Variants in MGMT observed in about 807,000 individuals in gnomAD.
The protein encoded by MGMT is O-6-methylguanine-DNA methyltransferase, also known as methylated-DNA--protein-cysteine methyltransferase.
Under a neutral mutation model 15.9 loss-of-function variants are expected in MGMT, and 14 were observed. That is an observed-to-expected ratio of 0.88 (90% CI 0.58 to 1.37). The LOEUF is 1.37. Ranked by LOEUF, MGMT falls within the 40% of genes most tolerant of loss-of-function variation. The probability of loss-of-function intolerance (pLI) is 0.00; values close to 1 mark genes in which losing one functional copy is unlikely to be tolerated. For missense variants in MGMT, 282 were observed against 268.1 expected (o/e 1.05, Z -0.36); for synonymous variants, 130 against 118.2 (o/e 1.10, Z -0.65).
intron 4 of MGMT, among the ~76,000 whole-genome samples, chr10:129,765,602 A>T (rs996300437): frequency 1.3e-5 from 2 of 152,226 alleles, no homozygotes; most frequent in Non-Finnish European, 2.9e-5. Flanking sequence ...GTGGCTTCCC[A>T]GTAATTCCCA....
At chr10:129,612,956 T>G (rs1231766138) in intron 2 of MGMT, among the ~76,000 whole-genome samples, 2 of 152,180 alleles carry the variant, frequency 1.3e-5, no homozygotes, top group Non-Finnish European at 2.9e-5. Flanking sequence ...GTAACATTGT[T>G]TGGTCCTTGC....
intron 2 of MGMT, among the ~76,000 whole-genome samples, chr10:129,680,011 ATGTCTTCGAT>A (rs1212463659): frequency 1.4e-4 from 21 of 152,314 alleles, no homozygotes; most frequent in African/African-American, 5.1e-4. Flanking sequence ...AGGCTGGAAA[ATGTCTTCGAT>A]TTAGAAAGGA....
chr10:129,535,962 G>T (rs764863406), intron 1 of MGMT, among the ~76,000 whole-genome samples: 4 of 152,146 alleles, frequency 2.6e-5, no homozygotes, highest in Non-Finnish European at 5.9e-5. Context: ...AGCTTCCTTC[G>T]GTGTTGCGTT....
intron 2 of MGMT, among the ~76,000 whole-genome samples, chr10:129,610,671 T>C (rs1202702672): frequency 1.3e-5 from 2 of 152,262 alleles, no homozygotes; most frequent in Non-Finnish European, 2.9e-5. Flanking sequence ...AAAGACTTGA[T>C]TTCTTATGGC....
At chr10:129,689,058 T>C (rs1042476885) in intron 2 of MGMT, among the ~76,000 whole-genome samples, 4 of 152,140 alleles carry the variant, frequency 2.6e-5, no homozygotes, top group Admixed American at 6.5e-5. Context: ...GCCTCCTGGG[T>C]AGCTGAGACT....
chr10:129,678,944 A>G (rs569489406), intron 2 of MGMT, among the ~76,000 whole-genome samples: 36 of 152,096 alleles, frequency 2.4e-4, no homozygotes, highest in African/African-American at 8.7e-4. Context: ...GTGGTGGTGC[A>G]CACCTGTAAT....
At chr10:129,525,176 T>C (rs1348879314) in intron 1 of MGMT, among the ~76,000 whole-genome samples, 1 of 152,198 alleles carries the variant, frequency 6.6e-6, no homozygotes, top group Admixed American at 6.5e-5. Context: ...GATTTCCTGC[T>C]TGATTGCACA....
intron 2 of MGMT, among the ~76,000 whole-genome samples, chr10:129,610,054 A>T (rs567559644): frequency 6.6e-6 from 1 of 152,192 alleles, no homozygotes; most frequent in East Asian, 1.9e-4. Flanking sequence ...ATTTTGATAT[A>T]TGGTAAACTA....
At chr10:129,706,054 G>C (rs568284746) in intron 2 of MGMT, among the ~76,000 whole-genome samples, 2 of 152,218 alleles carry the variant, frequency 1.3e-5, no homozygotes, top group African/African-American at 4.8e-5. Context: ...CAGGGCAGCT[G>C]CGGTGCCTTC....
At chr10:129,551,992 T>C (rs1017571301) in intron 2 of MGMT, among the ~76,000 whole-genome samples, 1 of 152,120 alleles carries the variant, frequency 6.6e-6, no homozygotes, top group African/African-American at 2.4e-5. Flanking sequence ...TCAGGCTCTG[T>C]CTGTGGGATA....
At chr10:129,650,464 G>A (rs532052667) in intron 2 of MGMT, among the ~76,000 whole-genome samples, 2 of 152,312 alleles carry the variant, frequency 1.3e-5, no homozygotes, top group Non-Finnish European at 2.9e-5. Context: ...GTGGAGTGAA[G>A]GTCCTACCTC....
intron 1 of MGMT, among the ~76,000 whole-genome samples, chr10:129,495,915 A>C (rs1845516162): frequency 6.6e-6 from 1 of 152,180 alleles, no homozygotes; most frequent in African/African-American, 2.4e-5. Context: ...TGTCCTCCCC[A>C]GCGTCCAGCA....
intron 4 of MGMT, among the ~76,000 whole-genome samples, chr10:129,766,130 A>C (rs1211370469): frequency 2.0e-5 from 3 of 152,046 alleles, no homozygotes; most frequent in Non-Finnish European, 4.4e-5. Flanking sequence ...CTCACTCTGG[A>C]TCAGCCCCTA....
Position 129,533,639 on chromosome 10 carries a change from A to G in MGMT, c.-12-2602A>G, listed in dbSNP as rs1432552329. ...ATCTTCTGTGAACATACTTTGGGAA[A>G]TGATCTCATGGACGCTTGGCCTGGA... On this transcript the variant is annotated intron_variant, in intron 1 of 4. Coordinates refer to ENST00000651593, the MANE Select transcript of MGMT (RefSeq NM_002412.5). This position sits in a 1 kb window ranked among gnomAD's most constrained non-coding sequence, Gnocchi z 4.5. Among the ~76,000 whole-genome samples, 1 of 152,168 alleles carries G rather than the reference A, an allele frequency of 6.6e-6. No homozygotes were observed. The highest frequency in any genetic ancestry group is 6.5e-5 in the Admixed American group (1 of 15,284).
chr10:129,653,033 G>T (rs1188254302), intron 2 of MGMT, among the ~76,000 whole-genome samples: 1 of 152,210 alleles, frequency 6.6e-6, no homozygotes, highest in Non-Finnish European at 1.5e-5. Flanking sequence ...TCCAGGGTTG[G>T]CTGAGAATAT....
In MGMT at chr10:129,548,533, A is replaced by G. The variant is rs761150342; in HGVS notation, c.125+12156A>G. On this transcript the variant is annotated intron_variant, in intron 2 of 4. Coordinates refer to ENST00000651593, the MANE Select transcript of MGMT (RefSeq NM_002412.5). ...AAAACTGGGCCACTCATTTCCTTCAAAGTTTTTGGTGTGTTTAAATCTTCT... is the reference window on the plus strand; with the variant it reads ...AAAACTGGGCCACTCATTTCCTTCAGAGTTTTTGGTGTGTTTAAATCTTCT... Among the ~76,000 whole-genome samples the G allele has an allele frequency of 3.9e-5, 6 of 152,210 alleles. No individual in the cohort carries two copies. The East Asian group carries it at 5.8e-4, about 15-fold the overall frequency.
intron 2 of MGMT, among the ~76,000 whole-genome samples, chr10:129,699,791 C>T (rs1457353308): frequency 6.6e-6 from 1 of 152,172 alleles, no homozygotes; most frequent in Admixed American, 6.5e-5. Context: ...CTGTTTACTT[C>T]TGCGCTAGGA....
intron 2 of MGMT, among the ~76,000 whole-genome samples, chr10:129,667,606 C>T (rs1161126354): frequency 6.6e-6 from 1 of 152,172 alleles, no homozygotes; most frequent in Non-Finnish European, 1.5e-5. Context: ...CCTCTTGATG[C>T]ACACAGGCAC....
chr10:129,759,326 A>C lies in MGMT; in HGVS notation c.399A>C (p.Ala133=). The stretch of plus-strand genomic sequence containing the variant: ...AAGCCGCGCGAGCAGTGGGAGGAGC[A>C]ATGAGAGGCAATCCTGTGAGTTCTC... ...NPKAARAVGG[A]MRGNPVPILI... The change falls in exon 4 of 5, where the codon GCA becomes GCC. Residue 133 remains alanine (A), a synonymous_variant. Transcript: ENST00000651593. 1 of 1,614,182 alleles carries C rather than the reference A, an allele frequency of 6.2e-7. No homozygotes were observed. Among genetic ancestry groups the C allele is most frequent in the Non-Finnish European group, 8.5e-7 (1 of 1,180,022 alleles).
Sources: allele counts gnomAD v4.1 joint callset (sites outside exome capture counted in the v4.1 genomes callset), GRCh38; gene constraint gnomAD v4.1.1; non-coding constraint Gnocchi (gnomAD v3.1); transcripts MANE v1.5; gene names NCBI Gene and HGNC (gene_info 2026-07-23, HGNC 2026-07-21).